Variants in CRADD observed in about 807,000 individuals in gnomAD.
The protein encoded by CRADD is CARD and death domain containing adaptor protein.
CRADD carries 9 observed loss-of-function variants against 15.5 expected under a neutral mutation model. That is an observed-to-expected ratio of 0.58 (90% CI 0.35 to 1.01). CRADD has a LOEUF of 1.01. Among genes scored for constraint, CRADD ranks in the 50% least tolerant of loss-of-function variants. CRADD has a pLI of 0.02. For missense variants in CRADD, 227 were observed against 250.3 expected (o/e 0.91, Z 0.63); for synonymous variants, 118 against 107.6 (o/e 1.10, Z -0.60).
intron 2 of CRADD, among the ~76,000 whole-genome samples, chr12:93,883,578 A>G (rs780752115): frequency 2.2e-4 from 33 of 152,120 alleles, no homozygotes; most frequent in Non-Finnish European, 4.6e-4. Context: ...AGCACTTTAG[A>G]AGGCCAAGGT....
At chr12:93,680,840 G>C (rs990177774) in intron 2 of CRADD, among the ~76,000 whole-genome samples, 1 of 152,044 alleles carries the variant, frequency 6.6e-6, no homozygotes, top group Non-Finnish European at 1.5e-5. Flanking sequence ...GGTCATTTTG[G>C]GTGATACAGA....
chr12:93,737,191 T>A (rs10859568), intron 2 of CRADD, among the ~76,000 whole-genome samples: 53,206 of 152,022 alleles, frequency 0.35, 11,029 homozygotes, highest in East Asian at 0.61. Context: ...TGTGGACCCA[T>A]ATATTTTGTG....
intron 2 of CRADD, among the ~76,000 whole-genome samples, chr12:93,707,226 G>A (rs1363930219): frequency 2.0e-5 from 3 of 152,312 alleles, no homozygotes; most frequent in Non-Finnish European, 4.4e-5. Context: ...TGGATCAGTA[G>A]TGATATAATT....
rs1030770014 is a variant in CRADD, at chr12:93,751,783, G to A, written c.298+72711G>A. On this transcript the variant is annotated intron_variant, in intron 2 of 2. Transcript: ENST00000332896. Reference sequence around the variant, plus strand: ...GGAGACTGAGGCCAGGGAATCACTTGAACCCAGGAGAAGGCGCTGTAGTGA... The same window carrying A: ...GGAGACTGAGGCCAGGGAATCACTTAAACCCAGGAGAAGGCGCTGTAGTGA... Among the ~76,000 whole-genome samples the A allele has an allele frequency of 9.1e-4, 138 of 152,212 alleles. 4 individuals carry two copies. Among genetic ancestry groups the A allele is most frequent in the Admixed American group, 9.0e-3 (138 of 15,278 alleles).
chr12:93,693,114 G>A (rs1342740962), intron 2 of CRADD, among the ~76,000 whole-genome samples: 3 of 151,940 alleles, frequency 2.0e-5, no homozygotes, highest in Non-Finnish European at 2.9e-5. Flanking sequence ...AAAAGGTAAG[G>A]GACCAAAGGA....
chr12:93,786,007 T>C (rs1957274425), intron 2 of CRADD, among the ~76,000 whole-genome samples: 1 of 152,138 alleles, frequency 6.6e-6, no homozygotes, highest in African/African-American at 2.4e-5. Flanking sequence ...AAAGAAAGTG[T>C]TGGGGAGGCA....
chr12:93,878,734 G>A lies in CRADD; in HGVS notation c.299-15316G>A, dbSNP rs542407711. 2.0e-5 allele frequency among the ~76,000 whole-genome samples: 3 copies of A among 152,324 alleles called. No homozygotes were observed. The South Asian group carries it at 6.2e-4, about 32-fold the overall frequency. On this transcript the variant is annotated intron_variant, in intron 2 of 2. Coordinates refer to the CRADD transcript ENST00000548483. Reference sequence around the variant, plus strand: ...CCTCCTCCATGGGTGGGCGTTAGCTGAGTTTGGTCCTGTTTCCCTTTCTGC... The same window carrying A: ...CCTCCTCCATGGGTGGGCGTTAGCTAAGTTTGGTCCTGTTTCCCTTTCTGC...
intron 2 of CRADD, among the ~76,000 whole-genome samples, chr12:93,801,512 C>T (rs1255913387): frequency 2.6e-5 from 4 of 152,234 alleles, no homozygotes; most frequent in Middle Eastern, 3.4e-3. Flanking sequence ...GATTCTCCAG[C>T]GTCAGCCTCC....
intron 2 of CRADD, among the ~76,000 whole-genome samples, chr12:93,885,732 C>A (rs1446308664): frequency 6.6e-6 from 1 of 152,092 alleles, no homozygotes; most frequent in Non-Finnish European, 1.5e-5. Flanking sequence ...GAAAGAAGAT[C>A]CTAACTATGA....
At chr12:93,722,423 T>C (rs995231975) in intron 2 of CRADD, among the ~76,000 whole-genome samples, 5 of 152,028 alleles carry the variant, frequency 3.3e-5, no homozygotes, top group Non-Finnish European at 5.9e-5. Flanking sequence ...TATTGTTTCG[T>C]ATATTTTTTC....
intron 2 of CRADD, among the ~76,000 whole-genome samples, chr12:93,767,641 G>A (rs1215900400): frequency 6.6e-6 from 1 of 152,160 alleles, no homozygotes; most frequent in Non-Finnish European, 1.5e-5. Context: ...ACCCAAGGAT[G>A]TACACCTAGT....
intron 2 of CRADD, among the ~76,000 whole-genome samples, chr12:93,792,877 C>G (rs1011373871): frequency 6.6e-6 from 1 of 152,100 alleles, no homozygotes; most frequent in African/African-American, 2.4e-5. Flanking sequence ...TGAGGTTTTC[C>G]ATAAAATTAA....
chr12:93,877,577 C>A (rs1460872663), intron 2 of CRADD, among the ~76,000 whole-genome samples: 1 of 152,218 alleles, frequency 6.6e-6, no homozygotes, highest in Non-Finnish European at 1.5e-5. Context: ...GCAGTCCTTC[C>A]TCCTCTTCCT....
intron 2 of CRADD, among the ~76,000 whole-genome samples, chr12:93,805,819 A>T (rs1197612414): frequency 6.6e-6 from 1 of 152,140 alleles, no homozygotes; most frequent in Admixed American, 6.6e-5. Flanking sequence ...TGCCTTGGTG[A>T]TGACATATCT....
intron 2 of CRADD, among the ~76,000 whole-genome samples, chr12:93,881,106 T>C (rs928991388): frequency 4.6e-5 from 7 of 152,204 alleles, no homozygotes; most frequent in African/African-American, 1.4e-4. Context: ...GGTTGTCATT[T>C]TTAACCAAGT....
At chr12:93,834,783 C>T (rs574539045) in intron 2 of CRADD, among the ~76,000 whole-genome samples, 1 of 152,342 alleles carries the variant, frequency 6.6e-6, no homozygotes, top group African/African-American at 2.4e-5. Context: ...CCACCATGCC[C>T]AGCCTAAAAT....
At chr12:93,805,807 A>G (rs1957530708) in intron 2 of CRADD, among the ~76,000 whole-genome samples, 1 of 152,058 alleles carries the variant, frequency 6.6e-6, no homozygotes. Flanking sequence ...ATGTGTAGCA[A>G]ATGCCTTGGT....
intron 2 of CRADD, among the ~76,000 whole-genome samples, chr12:93,752,132 C>G (rs1250428395): frequency 4.6e-5 from 7 of 152,222 alleles, no homozygotes; most frequent in Admixed American, 4.6e-4. Flanking sequence ...ATGACCATTC[C>G]CATTCCTGGG....
chr12:93,825,735 T>C (rs1362602107), intron 2 of CRADD, among the ~76,000 whole-genome samples: 4 of 152,164 alleles, frequency 2.6e-5, no homozygotes, highest in Admixed American at 6.5e-5. Context: ...CTTAACCTCT[T>C]TCCGGCAAAA....
Sources: gnomAD v4.1 joint callset for allele counts (sites outside exome capture counted in the v4.1 genomes callset) on GRCh38, gnomAD v4.1.1 for gene constraint, MANE v1.5 for transcripts, NCBI Gene and HGNC (gene_info 2026-07-23, HGNC 2026-07-21) for gene names.